CTNND2: variants seen among roughly 807,000 people sequenced by gnomAD.
CTNND2 encodes catenin delta 2.
In CTNND2, 22 loss-of-function variants were observed where a neutral mutation model predicts 144.4. The ratio of observed to expected loss-of-function variants is 0.15; its 90% CI spans 0.11 to 0.22. The LOEUF is 0.22. CTNND2 is among the 10% of genes least tolerant of loss of function. The pLI, the probability that CTNND2 is intolerant of heterozygous loss-of-function variation, is 1.00. For synonymous variants in CTNND2, 751 were observed against 695.6 expected (o/e 1.08, Z -1.25); for missense variants, 1,353 against 1,618.8 (o/e 0.84, Z 2.82).
At chr5:11,783,165 GT>G (rs898485886) in intron 1 of CTNND2, among the ~76,000 whole-genome samples, 1 of 152,150 alleles carries the variant, frequency 6.6e-6, no homozygotes, top group Non-Finnish European at 1.5e-5. Context: ...AGGCTCCCCA[GT>G]CACCCTAAGG....
intron 2 of CTNND2, among the ~76,000 whole-genome samples, chr5:11,630,769 T>C (rs1017371896): frequency 4.6e-5 from 7 of 152,018 alleles, no homozygotes; most frequent in Admixed American, 1.3e-4. Flanking sequence ...CTGGTCAACA[T>C]GGTGAAATGC....
chr5:11,732,986 A>G (rs61763018), intron 1 of CTNND2, among the ~76,000 whole-genome samples: 13,478 of 152,114 alleles, frequency 0.089, 1,183 homozygotes, highest in African/African-American at 0.23. Flanking sequence ...CTGGAGAGCT[A>G]ACCACCTGGA....
At chr5:11,539,796 G>A (rs1204109558) in intron 3 of CTNND2, among the ~76,000 whole-genome samples, 1 of 152,186 alleles carries the variant, frequency 6.6e-6, no homozygotes, top group Non-Finnish European at 1.5e-5. Flanking sequence ...CACTTTGGGA[G>A]GCCGAGGCAG....
intron 1 of CTNND2, among the ~76,000 whole-genome samples, chr5:11,800,987 G>C (rs1791650168): frequency 6.6e-6 from 1 of 152,152 alleles, no homozygotes; most frequent in African/African-American, 2.4e-5. Flanking sequence ...TTTTTCAAGA[G>C]GGTGTTCTTT....
intron 9 of CTNND2, among the ~76,000 whole-genome samples, chr5:11,291,932 C>A (rs570127718): frequency 6.6e-6 from 1 of 152,126 alleles, no homozygotes; most frequent in South Asian, 2.1e-4. Context: ...ACCAGCTATA[C>A]AAAGTTTCCC....
chr5:11,823,355 C>A (rs542266638), intron 1 of CTNND2, among the ~76,000 whole-genome samples: 1 of 152,260 alleles, frequency 6.6e-6, no homozygotes, highest in South Asian at 2.1e-4. Context: ...TTACTACAGT[C>A]AATCACGAAT....
chr5:11,217,728 A>G (rs561815545), intron 10 of CTNND2, among the ~76,000 whole-genome samples: 2 of 152,306 alleles, frequency 1.3e-5, no homozygotes, highest in Non-Finnish European at 2.9e-5. Context: ...ACCAGTGCCT[A>G]AGAGCAAGCC....
At chr5:11,499,612 T>C (rs1770346409) in intron 3 of CTNND2, among the ~76,000 whole-genome samples, 1 of 152,196 alleles carries the variant, frequency 6.6e-6, no homozygotes, top group Non-Finnish European at 1.5e-5. Flanking sequence ...GCAGTGTGCA[T>C]CCCCAAACAA....
chr5:11,763,662 A>G (rs1789407422), intron 1 of CTNND2, among the ~76,000 whole-genome samples: 2 of 152,224 alleles, frequency 1.3e-5, no homozygotes, highest in South Asian at 4.1e-4. Context: ...ATTTCATATT[A>G]GCAAATTCAC....
intron 2 of CTNND2, among the ~76,000 whole-genome samples, chr5:11,658,384 T>C (rs1783020796): frequency 6.6e-6 from 1 of 152,094 alleles, no homozygotes; most frequent in African/African-American, 2.4e-5. Flanking sequence ...TGTATTAATT[T>C]CCCTAATACA....
chr5:11,113,131 A>G (rs2149688066), intron 13 of CTNND2, among the ~76,000 whole-genome samples: 1 of 152,058 alleles, frequency 6.6e-6, no homozygotes. Flanking sequence ...ACACAGTGAG[A>G]CTCCATCTCA....
At chr5:11,500,745 T>C (rs1342923953) in intron 3 of CTNND2, among the ~76,000 whole-genome samples, 1 of 152,218 alleles carries the variant, frequency 6.6e-6, no homozygotes, top group African/African-American at 2.4e-5. Flanking sequence ...ATACACATAC[T>C]GAACACCACG....
chr5:11,253,576 C>T (rs913322958), intron 9 of CTNND2, among the ~76,000 whole-genome samples: 1 of 152,138 alleles, frequency 6.6e-6, no homozygotes, highest in African/African-American at 2.4e-5. Flanking sequence ...GCCTCCCCAG[C>T]CACATGGAAC....
intron 12 of CTNND2, among the ~76,000 whole-genome samples, chr5:11,126,709 C>A (rs1285382459): frequency 6.6e-6 from 1 of 152,164 alleles, no homozygotes; most frequent in Non-Finnish European, 1.5e-5. Flanking sequence ...TCTAGATATA[C>A]AACAGAAAAC....
intron 1 of CTNND2, among the ~76,000 whole-genome samples, chr5:11,785,832 G>C (rs905738509): frequency 1.3e-5 from 2 of 152,180 alleles, no homozygotes; most frequent in Admixed American, 1.3e-4. Context: ...GTACTATCAG[G>C]ACAGGGTGTT....
chr5:11,019,613 T>C (rs1742026155), intron 17 of CTNND2, among the ~76,000 whole-genome samples: 1 of 152,236 alleles, frequency 6.6e-6, no homozygotes, highest in African/African-American at 2.4e-5. Flanking sequence ...CTTTGCTTTC[T>C]TTTTAGACTT....
chr5:11,903,997 G>C lies in CTNND2; in HGVS notation c.-144C>G, dbSNP rs1738129686. Reference sequence around the variant, plus strand: ...CGCGGCCGCGGGACAAGGGATGCTGGCGGGCGGCAGGGGCGAGCGCCGCGG... The same window carrying C: ...CGCGGCCGCGGGACAAGGGATGCTGCCGGGCGGCAGGGGCGAGCGCCGCGG... On this transcript the variant is annotated 5_prime_UTR_variant, in exon 1 of 22. Coordinates refer to ENST00000304623, the MANE Select transcript of CTNND2 (RefSeq NM_001332.4). This position sits in a 1 kb window ranked among gnomAD's most constrained non-coding sequence, Gnocchi z 5.4. The C allele has an allele frequency of 6.0e-6, 6 of 997,786 alleles. No homozygotes were observed. Among genetic ancestry groups the C allele is most frequent in the Non-Finnish European group, 7.7e-6 (6 of 774,466 alleles). 61.8% of individuals were successfully genotyped at this position (997,786 alleles called of 1,614,324 possible).
chr5:11,574,126 C>A (rs951230544), intron 2 of CTNND2, among the ~76,000 whole-genome samples: 3 of 152,088 alleles, frequency 2.0e-5, no homozygotes, highest in South Asian at 2.1e-4. Context: ...GGCAACAGAG[C>A]CCAGCATGTG....
chr5:11,832,023 C>T (rs905797409), intron 1 of CTNND2, among the ~76,000 whole-genome samples: 4 of 152,126 alleles, frequency 2.6e-5, no homozygotes, highest in Non-Finnish European at 5.9e-5. Flanking sequence ...GTGGCTTATG[C>T]CTGTAATCCC....
Sources: gnomAD v4.1 joint callset for allele counts (sites outside exome capture counted in the v4.1 genomes callset) on GRCh38, gnomAD v4.1.1 for gene constraint, Gnocchi (gnomAD v3.1) non-coding constraint, MANE v1.5 for transcripts, NCBI Gene and HGNC (gene_info 2026-07-23, HGNC 2026-07-21) for gene names.